Variants in PLD5 observed in about 807,000 individuals in gnomAD.
PLD5 encodes inactive phospholipase D5.
A neutral mutation model predicts 61.1 loss-of-function variants in PLD5; 36 were observed. The observed-to-expected ratio is 0.59, with a 90% CI of 0.45 to 0.78. The LOEUF (loss-of-function observed/expected upper bound fraction) is 0.78. Ranked by LOEUF, PLD5 falls within the 30% of genes least tolerant of loss-of-function variation. PLD5 has a pLI of 0.00. For missense variants in PLD5, 515 were observed against 644.4 expected (o/e 0.80, Z 2.17); for synonymous variants, 243 against 242.8 (o/e 1.00, Z -0.01).
chr1:242,398,264 G>C (rs1663717439), intron 1 of PLD5, among the ~76,000 whole-genome samples: 1 of 152,120 alleles, frequency 6.6e-6, no homozygotes, highest in South Asian at 2.1e-4. Flanking sequence ...CAGGCCAAGG[G>C]AAGAACATTA....
chr1:242,404,779 CT>C (rs68032416), intron 1 of PLD5, among the ~76,000 whole-genome samples: 10,813 of 151,768 alleles, frequency 0.071, 470 homozygotes, highest in Middle Eastern at 0.18. Flanking sequence ...TTCCAAACCC[CT>C]AATATCTATG....
At chr1:242,407,722 G>A (rs1410663242) in intron 1 of PLD5, among the ~76,000 whole-genome samples, 1 of 151,982 alleles carries the variant, frequency 6.6e-6, no homozygotes, top group Admixed American at 6.6e-5. Context: ...GGGATTATAG[G>A]TGCGTGCCAC....
intron 5 of PLD5, among the ~76,000 whole-genome samples, chr1:242,171,483 C>G (rs12141825): frequency 0.24 from 35,787 of 152,036 alleles, 4,615 homozygotes; most frequent in South Asian, 0.35. Flanking sequence ...ACTGCATCTA[C>G]TAATGGGCAA....
At position 242,423,324 on chromosome 1, in the gene PLD5, G is replaced by A. The variant is rs1665246532; in HGVS notation, c.190-75082C>T. Among the ~76,000 whole-genome samples the A allele has an allele frequency of 3.3e-5, 5 of 152,282 alleles. No homozygotes were observed. The South Asian group carries it at 1.0e-3, about 32-fold the overall frequency. The stretch of plus-strand genomic sequence containing the variant: ...TAAAAGAGGTGTTCTAGAGAGAAAA[G>A]CCTTGTACTGAGCTTGAAGCTGAGA... On this transcript the variant is annotated intron_variant, in intron 1 of 9. Transcript: ENST00000536534.
chr1:242,450,411 T>C (rs965565264), intron 1 of PLD5, among the ~76,000 whole-genome samples: 6 of 152,242 alleles, frequency 3.9e-5, no homozygotes, highest in African/African-American at 9.6e-5. Flanking sequence ...AGTTAATACA[T>C]TGATTTCCCA....
intron 4 of PLD5, among the ~76,000 whole-genome samples, chr1:242,245,037 C>A (rs550063145): frequency 1.3e-5 from 2 of 152,094 alleles, no homozygotes; most frequent in South Asian, 4.1e-4. Context: ...TTTGTCAATA[C>A]TGATTATGCT....
chr1:242,421,559 C>G (rs149474721), intron 1 of PLD5, among the ~76,000 whole-genome samples: 1 of 152,118 alleles, frequency 6.6e-6, no homozygotes, highest in Non-Finnish European at 1.5e-5. Flanking sequence ...CCAGGAGATA[C>G]GGGATTTCAT....
chr1:242,349,921 C>G (rs1163815977), intron 1 of PLD5, among the ~76,000 whole-genome samples: 1 of 152,032 alleles, frequency 6.6e-6, no homozygotes, highest in Non-Finnish European at 1.5e-5. Flanking sequence ...ACCTATAGTC[C>G]CAGCTAGTAA....
At chr1:242,310,446 T>C (rs1350148275) in intron 2 of PLD5, among the ~76,000 whole-genome samples, 2 of 152,200 alleles carry the variant, frequency 1.3e-5, no homozygotes, top group African/African-American at 4.8e-5. Context: ...TTGTCACTCC[T>C]GTTCTCAGGC....
intron 2 of PLD5, among the ~76,000 whole-genome samples, chr1:242,313,302 C>T (rs903088686): frequency 6.6e-6 from 1 of 152,190 alleles, no homozygotes; most frequent in Non-Finnish European, 1.5e-5. Flanking sequence ...CTATGCTATG[C>T]CCATCTTCCT....
At chr1:242,438,342 C>T (rs1234228804) in intron 1 of PLD5, among the ~76,000 whole-genome samples, 3 of 151,128 alleles carry the variant, frequency 2.0e-5, no homozygotes, top group Non-Finnish European at 2.9e-5. Context: ...TGGCTCACTG[C>T]AACCTCTGCC....
chr1:242,249,404 T>C (rs1434562996), intron 4 of PLD5, among the ~76,000 whole-genome samples: 2 of 152,180 alleles, frequency 1.3e-5, no homozygotes, highest in Admixed American at 6.5e-5. Flanking sequence ...AATTATCCAG[T>C]CTCAAATAAG....
intron 2 of PLD5, among the ~76,000 whole-genome samples, chr1:242,310,231 G>A (rs1486912452): frequency 3.9e-5 from 6 of 152,146 alleles, no homozygotes; most frequent in Non-Finnish European, 7.3e-5. Context: ...CACACGCTGA[G>A]AGCAGACAGT....
intron 5 of PLD5, among the ~76,000 whole-genome samples, chr1:242,168,390 T>A (rs114805182): frequency 1.3e-3 from 203 of 152,332 alleles, no homozygotes; most frequent in Non-Finnish European, 2.4e-3. Flanking sequence ...AGTGGTGAGA[T>A]GACAAAAATG....
chr1:242,455,596 C>A (rs1032864857), intron 1 of PLD5, among the ~76,000 whole-genome samples: 1 of 152,212 alleles, frequency 6.6e-6, no homozygotes, highest in African/African-American at 2.4e-5. Flanking sequence ...TCAGTGCAAG[C>A]CTGTTTAGAA....
chr1:242,377,521 G>C lies in PLD5; in HGVS notation c.190-29279C>G, dbSNP rs924887223. 4.9e-6 allele frequency: 3 copies of C among 610,902 alleles called. No individual in the cohort carries two copies. The African/African-American group carries it at 5.6e-5, about 11-fold the overall frequency. The allele number at this position is 610,902 out of a possible 1,614,324, so 37.8% of individuals were successfully genotyped here. A position where few individuals can be genotyped will look rare whatever the true frequency, so the allele number is the denominator to read the frequency against. On this transcript the variant is annotated intron_variant, in intron 1 of 9. Coordinates refer to ENST00000536534, the MANE Select transcript of PLD5 (RefSeq NM_001372062.1). ...CCAACAAAAGCCTCTGAGGTTGGAC[G>C]CCATGCCACTCAGTCTAAGCAATAC...
At chr1:242,201,716 A>G (rs1422863719) in intron 5 of PLD5, among the ~76,000 whole-genome samples, 1 of 152,194 alleles carries the variant, frequency 6.6e-6, no homozygotes, top group Non-Finnish European at 1.5e-5. Flanking sequence ...CAAAATCTGT[A>G]TATGTATGCA....
chr1:242,312,782 C>T (rs1219732948), intron 2 of PLD5, among the ~76,000 whole-genome samples: 2 of 152,182 alleles, frequency 1.3e-5, no homozygotes, highest in African/African-American at 2.4e-5. Context: ...GCCATGCTGC[C>T]TTGGGGCAGG....
rs1659253956 is a variant in PLD5 at position 242,332,615 on chromosome 1, T to C, written c.326+15491A>G. ...GATAGTGTCTCATTGCGGTTTTGATTTGCATTTCTCTAATGACCAGTGCAA... is the reference window on the plus strand; with the variant it reads ...GATAGTGTCTCATTGCGGTTTTGATCTGCATTTCTCTAATGACCAGTGCAA... On this transcript the variant is annotated intron_variant, in intron 2 of 9. Coordinates refer to ENST00000536534, the MANE Select transcript of PLD5 (RefSeq NM_001372062.1). Among the ~76,000 whole-genome samples the C allele has an allele frequency of 2.6e-5, 4 of 152,216 alleles. No homozygotes were observed. The South Asian group carries it at 6.2e-4, about 24-fold the overall frequency.
Sources: allele counts gnomAD v4.1 joint callset (sites outside exome capture counted in the v4.1 genomes callset), GRCh38; gene constraint gnomAD v4.1.1; transcripts MANE v1.5; gene names NCBI Gene and HGNC (gene_info 2026-07-23, HGNC 2026-07-21).